LRIG1: variants seen among roughly 807,000 people sequenced by gnomAD.
The protein encoded by LRIG1 is leucine rich repeats and immunoglobulin like domains 1, also known as leucine-rich repeats and immunoglobulin-like domains protein 1.
Under a neutral mutation model 99.2 loss-of-function variants are expected in LRIG1, and 48 were observed. The observed-to-expected ratio is 0.48, with a 90% CI of 0.38 to 0.62. LRIG1 has a LOEUF of 0.62. LRIG1 is among the 20% of genes least tolerant of loss of function. LRIG1 has a pLI of 0.00. For missense variants in LRIG1, 1,646 were observed against 1,434.4 expected (o/e 1.15, Z -2.38); for synonymous variants, 772 against 596.1 (o/e 1.29, Z -4.30).
intron 9 of LRIG1, among the ~76,000 whole-genome samples, chr3:66,402,962 A>G (rs1702117193): frequency 1.3e-5 from 2 of 151,878 alleles, no homozygotes; most frequent in South Asian, 4.2e-4. Flanking sequence ...TCGACTCAAC[A>G]CCTGTGATAG....
intron 3 of LRIG1, among the ~76,000 whole-genome samples, chr3:66,427,013 T>C (rs1169357095): frequency 2.0e-5 from 3 of 152,238 alleles, no homozygotes; most frequent in African/African-American, 7.2e-5. Context: ...AATAGCTCTT[T>C]GCTTCGCCTG....
rs144324988 is a variant in LRIG1 at position 66,407,352 on chromosome 3, C to T, written c.1075G>A (p.Val359Ile). The T allele has an allele frequency of 1.3e-3, 2,019 of 1,614,110 alleles. 2 individuals carry two copies. The highest frequency in any genetic ancestry group is 1.4e-3 in the Non-Finnish European group (1,621 of 1,180,032). ...TGTCAGTAGTGGGAGACGTACAAGA[C>T]TCGCAGGCTCCTGAGTCCCTTGAAG... The part of the protein sequence containing the change: ...GAFKGLRSLR[V>I]LDLDHNEISG... Residue 359 changes from valine to isoleucine, a missense_variant, in exon 8 of 19, where the codon GTC becomes ATC. Physicochemically the swap from Val to Ile is conservative, Grantham distance 29 (BLOSUM62 3). Coordinates refer to ENST00000273261, the MANE Select transcript of LRIG1 (RefSeq NM_015541.3).
intron 2 of LRIG1, among the ~76,000 whole-genome samples, chr3:66,454,006 T>C (rs1028495344): frequency 6.6e-6 from 1 of 152,256 alleles, no homozygotes; most frequent in East Asian, 1.9e-4. Context: ...AGAGGGGTGG[T>C]GGACCAGTGC....
chr3:66,480,426 A>C (rs1053387151), intron 1 of LRIG1, among the ~76,000 whole-genome samples: 2 of 152,136 alleles, frequency 1.3e-5, no homozygotes, highest in Non-Finnish European at 2.9e-5. Flanking sequence ...TATCATTGAA[A>C]AGGATGAGTT....
At chr3:66,485,918 G>A (rs896419011) in intron 1 of LRIG1, among the ~76,000 whole-genome samples, 3 of 152,110 alleles carry the variant, frequency 2.0e-5, no homozygotes, top group African/African-American at 4.8e-5. Context: ...AAGACCAATC[G>A]GCCTCCAGGA....
chr3:66,500,583 C>A lies in LRIG1; in HGVS notation c.-176G>T. 1 of 371,680 alleles carries A rather than the reference C, an allele frequency of 2.7e-6. No homozygotes were observed. The highest frequency in any genetic ancestry group is 4.7e-6 in the Non-Finnish European group (1 of 211,914). 23.0% of individuals were successfully genotyped at this position (371,680 alleles called of 1,614,324 possible). A position where few individuals can be genotyped will look rare whatever the true frequency, so the allele number is the denominator to read the frequency against. On this transcript the variant is annotated 5_prime_UTR_variant, in exon 1 of 19. Transcript: ENST00000273261. ...TCCGGCACTCAGCGTGCCCCCGGTG[C>A]CCGGGCCGCTCCGGAGCACCCGGCG...
intron 3 of LRIG1, among the ~76,000 whole-genome samples, chr3:66,449,345 C>A (rs1283671064): frequency 6.6e-6 from 1 of 152,216 alleles, no homozygotes; most frequent in Non-Finnish European, 1.5e-5. Flanking sequence ...AAATCACTGA[C>A]CAAGTCAGAT....
At chr3:66,474,897 C>G (rs994976143) in intron 1 of LRIG1, among the ~76,000 whole-genome samples, 1 of 152,176 alleles carries the variant, frequency 6.6e-6, no homozygotes, top group Non-Finnish European at 1.5e-5. Context: ...TGTCAAAAGT[C>G]AATTATCAGT....
chr3:66,383,737 C>T (rs930686289), intron 14 of LRIG1, among the ~76,000 whole-genome samples: 9 of 138,014 alleles, frequency 6.5e-5, no homozygotes, highest in South Asian at 2.2e-4. Context: ...AGCCCACATC[C>T]ATCCTGTCCA....
intron 1 of LRIG1, among the ~76,000 whole-genome samples, chr3:66,478,122 A>C (rs1483724579): frequency 6.6e-6 from 1 of 152,120 alleles, no homozygotes; most frequent in African/African-American, 2.4e-5. Flanking sequence ...CCATCTCCAC[A>C]CCGTTTATTT....
intron 3 of LRIG1, among the ~76,000 whole-genome samples, chr3:66,442,636 C>G (rs1703580991): frequency 6.6e-6 from 1 of 152,126 alleles, no homozygotes; most frequent in Non-Finnish European, 1.5e-5. Flanking sequence ...ACTTCCCCTC[C>G]GAGACCATCC....
At chr3:66,438,060 G>C (rs1227728722) in intron 3 of LRIG1, among the ~76,000 whole-genome samples, 1 of 152,192 alleles carries the variant, frequency 6.6e-6, no homozygotes, top group African/African-American at 2.4e-5. Flanking sequence ...GTACTTCATT[G>C]GGTGGCTGGT....
rs1575674319 is a variant in LRIG1 at position 66,417,019 on chromosome 3, T to C, written c.503+110A>G. The C allele has an allele frequency of 4.9e-6, 7 of 1,433,988 alleles. No homozygotes were observed. The East Asian group carries it at 1.4e-4, about 28-fold the overall frequency. The allele number at this position is 1,433,988 out of a possible 1,614,324, so 88.8% of individuals were successfully genotyped here. A position where few individuals can be genotyped will look rare whatever the true frequency, so the allele number is the denominator to read the frequency against. On this transcript the variant is annotated intron_variant, in intron 4 of 18. Coordinates refer to ENST00000273261, the MANE Select transcript of LRIG1 (RefSeq NM_015541.3). ...CCCCACTGACTCGGCCCAGCCGTGGTTGAGAAGGGAAGGAAGCATCCCTCC... is the reference window on the plus strand; with the variant it reads ...CCCCACTGACTCGGCCCAGCCGTGGCTGAGAAGGGAAGGAAGCATCCCTCC...
chr3:66,461,208 G>A (rs1201441532), intron 2 of LRIG1, among the ~76,000 whole-genome samples: 2 of 152,106 alleles, frequency 1.3e-5, no homozygotes, highest in African/African-American at 2.4e-5. Context: ...ACAAGGCTGG[G>A]GTGTGAAAAT....
At chr3:66,480,684 A>T (rs914169759) in intron 1 of LRIG1, among the ~76,000 whole-genome samples, 1 of 152,188 alleles carries the variant, frequency 6.6e-6, no homozygotes, top group Non-Finnish European at 1.5e-5. Context: ...AGCTCTGTCC[A>T]TGAGTCCATC....
At chr3:66,482,638 C>T (rs1316289481) in intron 1 of LRIG1, among the ~76,000 whole-genome samples, 1 of 152,332 alleles carries the variant, frequency 6.6e-6, no homozygotes, top group Non-Finnish European at 1.5e-5. Context: ...CCAGCGCTAT[C>T]TGAATTGGGT....
At chr3:66,487,669 C>A (rs1282064815) in intron 1 of LRIG1, among the ~76,000 whole-genome samples, 1 of 152,038 alleles carries the variant, frequency 6.6e-6, no homozygotes, top group South Asian at 2.1e-4. Flanking sequence ...CGGGAAAGGA[C>A]GAGATGTCAA....
At chr3:66,402,815 A>C (rs763817734) in intron 9 of LRIG1, among the ~76,000 whole-genome samples, 46 of 152,308 alleles carry the variant, frequency 3.0e-4, no homozygotes, top group Non-Finnish European at 6.3e-4. Context: ...ACAGAGCAAC[A>C]CAGTGCTGTC....
At chr3:66,421,218 T>G (rs1476829515) in intron 3 of LRIG1, among the ~76,000 whole-genome samples, 1 of 152,128 alleles carries the variant, frequency 6.6e-6, no homozygotes, top group Non-Finnish European at 1.5e-5. Context: ...TCTCACATCC[T>G]CACATTTCAA....
Sources: gnomAD v4.1 joint callset for allele counts (sites outside exome capture counted in the v4.1 genomes callset) on GRCh38, gnomAD v4.1.1 for gene constraint, MANE v1.5 for transcripts, NCBI Gene and HGNC (gene_info 2026-07-23, HGNC 2026-07-21) for gene names.